The following CEP164 variants were observed in gnomAD, a reference collection of about 807,000 sequenced individuals.
CEP164 encodes the protein centrosomal protein of 164 kDa.
Under a neutral mutation model 182.7 loss-of-function variants are expected in CEP164, and 162 were observed. The observed-to-expected ratio is 0.89, with a 90% CI of 0.78 to 1.01. CEP164 has a LOEUF of 1.01. Ranked by LOEUF, CEP164 falls within the 50% of genes least tolerant of loss-of-function variation. CEP164 has a pLI of 0.00. For missense variants in CEP164, 1,735 were observed against 1,790.4 expected (o/e 0.97, Z 0.56); for synonymous variants, 661 against 690.0 (o/e 0.96, Z 0.66).
Position 117,411,891 on chromosome 11 carries a change from G to A in CEP164, c.4260G>A (p.Leu1420=), listed in dbSNP as rs769469166. The A allele has an allele frequency of 3.3e-5, 53 of 1,614,034 alleles. No individual in the cohort carries two copies. Among genetic ancestry groups the A allele is most frequent in the Non-Finnish European group, 4.1e-5 (48 of 1,180,032 alleles). Residue 1420 remains leucine, a synonymous_variant, in exon 32 of 33, where the codon CTG becomes CTA. Transcript: ENST00000278935. The surrounding 1 kb of genome is among the most constrained non-coding windows in gnomAD (Gnocchi z 4.4). Reference sequence around the variant, plus strand: ...TAATTGAGGCCAACCGGAGGTGGCTGGAACGTGTCAAGAATGACCCCAGGT... The same window carrying A: ...TAATTGAGGCCAACCGGAGGTGGCTAGAACGTGTCAAGAATGACCCCAGGT... ...QGIIEANRRW[L]ERVKNDPRLP... is the part of the protein sequence containing the mutation.
chr11:117,412,364 A>C lies in CEP164; in HGVS notation c.*196A>C. The C allele has an allele frequency of 7.8e-6, 4 of 514,862 alleles. No individual in the cohort carries two copies. Among genetic ancestry groups the C allele is most frequent in the East Asian group, 3.3e-5 (1 of 30,034 alleles). The allele number at this position is 514,862 out of a possible 1,614,324, so 31.9% of individuals were successfully genotyped here. A position where few individuals can be genotyped will look rare whatever the true frequency, so the allele number is the denominator to read the frequency against. The stretch of plus-strand genomic sequence containing the variant: ...ACTATATAACCTATCTCAGGCTAAA[A>C]TGTGTGGACTCGTACGAGCTCTTGT... On this transcript the variant is annotated 3_prime_UTR_variant, in exon 33 of 33. Coordinates refer to ENST00000278935, the MANE Select transcript of CEP164 (RefSeq NM_014956.5).
chr11:117,340,884 A>G (rs1439071502), intron 3 of CEP164, among the ~76,000 whole-genome samples: 1 of 152,074 alleles, frequency 6.6e-6, no homozygotes, highest in Non-Finnish European at 1.5e-5. Context: ...CCCAGGCTGG[A>G]CTGCAATGGC....
At chr11:117,386,237 A>T (rs1204303057) in intron 14 of CEP164, 1 of 152,294 alleles carries the variant, frequency 6.6e-6, no homozygotes. Context: ...ACGTGGAGAC[A>T]CATTCTGGCC....
chr11:117,330,256 T>G (rs1195295904), intron 1 of CEP164, among the ~76,000 whole-genome samples: 1 of 152,214 alleles, frequency 6.6e-6, no homozygotes, highest in Admixed American at 6.5e-5. Flanking sequence ...GTCATGTGTT[T>G]ACGTGTTTGG....
chr11:117,411,754 C>A lies in CEP164; in HGVS notation c.4164-41C>A. 1 of 1,612,502 alleles carries A rather than the reference C, an allele frequency of 6.2e-7. No homozygotes were observed. The highest frequency in any genetic ancestry group is 8.5e-7 in the Non-Finnish European group (1 of 1,179,208). ...CTGTGCATCCTCTGTCACTTCCGCG[C>A]CTCCTCTCTCCCCTCGCCATGCTCT... is the stretch of plus-strand genomic sequence containing the variant. On this transcript the variant is annotated intron_variant, in intron 31 of 32. Coordinates refer to ENST00000278935, the MANE Select transcript of CEP164 (RefSeq NM_014956.5). The surrounding 1 kb of genome is among the most constrained non-coding windows in gnomAD (Gnocchi z 4.4).
At chr11:117,341,840 G>C (rs1464241057) in intron 3 of CEP164, among the ~76,000 whole-genome samples, 3 of 152,132 alleles carry the variant, frequency 2.0e-5, no homozygotes, top group African/African-American at 7.2e-5. Context: ...CCAGTGCTCT[G>C]CATGGCTGCC....
At chr11:117,338,720 CAG>C in intron 3 of CEP164, 52 bp downstream of exon 3, 1 of 1,348,966 alleles carries the variant, frequency 7.4e-7, no homozygotes, top group East Asian at 2.3e-5. Context: ...TTTTTGAGGA[CAG>C]GGATTGTCTG....
rs2045111256 is a variant in CEP164 at position 117,394,235 on chromosome 11, A to C, written c.2617-115A>C. The stretch of plus-strand genomic sequence containing the variant: ...TCTTCTCCAAGAGCTGGCTTTAGGG[A>C]GCCGATGGTGTCCCTGATCTTACTG... On this transcript the variant is annotated intron_variant, in intron 20 of 32. Transcript: ENST00000278935. This position sits in a 1 kb window ranked among gnomAD's most constrained non-coding sequence, Gnocchi z 4.0. 1.5e-6 allele frequency: 2 copies of C among 1,372,782 alleles called. No individual in the cohort carries two copies. Among genetic ancestry groups the C allele is most frequent in the Admixed American group, 4.5e-5 (2 of 44,424 alleles). The allele number at this position is 1,372,782 out of a possible 1,614,324, so 85.0% of individuals were successfully genotyped here.
intron 2 of CEP164, among the ~76,000 whole-genome samples, chr11:117,338,287 G>A (rs996421646): frequency 1.3e-5 from 2 of 152,162 alleles, no homozygotes; most frequent in African/African-American, 2.4e-5. Context: ...CTATCTGGGG[G>A]AGGCACAAAG....
intron 5 of CEP164, chr11:117,355,187 GA>G: frequency 7.8e-7 from 1 of 1,289,854 alleles, no homozygotes; most frequent in Admixed American, 2.3e-5. Context: ...TGCTGACATG[GA>G]GAAAATCTTA....
rs1259930020 is a variant in CEP164, at chr11:117,411,873, G to A, written c.4242G>A (p.Glu1414=). ...AGSTTFQGII[E]ANRRWLERVK... Reference sequence around the variant, plus strand: ...GCACCACCTTTCAGGGCATAATTGAGGCCAACCGGAGGTGGCTGGAACGTG... The same window carrying A: ...GCACCACCTTTCAGGGCATAATTGAAGCCAACCGGAGGTGGCTGGAACGTG... Residue 1414 remains glutamate, a synonymous_variant, in exon 32 of 33, where the codon GAG becomes GAA. Coordinates refer to ENST00000278935, the MANE Select transcript of CEP164 (RefSeq NM_014956.5). This position sits in a 1 kb window ranked among gnomAD's most constrained non-coding sequence, Gnocchi z 4.4. 1 of 1,614,112 alleles carries A rather than the reference G, an allele frequency of 6.2e-7. No homozygotes were observed. The highest frequency in any genetic ancestry group is 8.5e-7 in the Non-Finnish European group (1 of 1,180,022).
chr11:117,338,746 C>A (rs1207203718), intron 3 of CEP164, 78 bp downstream of exon 3: 4 of 1,136,122 alleles, frequency 3.5e-6, no homozygotes, highest in Non-Finnish European at 5.4e-6. Context: ...TATTTTTATT[C>A]TTTCAGTGCA....
At chr11:117,367,899 C>G (rs1408602815) in intron 8 of CEP164, among the ~76,000 whole-genome samples, 1 of 152,164 alleles carries the variant, frequency 6.6e-6, no homozygotes, top group Non-Finnish European at 1.5e-5. Flanking sequence ...CTAACATTTG[C>G]TTAGCTATTT....
chr11:117,366,834 C>G (rs2041687772), intron 8 of CEP164, among the ~76,000 whole-genome samples: 1 of 151,980 alleles, frequency 6.6e-6, no homozygotes, highest in South Asian at 2.1e-4. Context: ...GGGTCCTTGT[C>G]TTTGTGCTCT....
chr11:117,353,810 A>AT (rs965759522), intron 5 of CEP164, among the ~76,000 whole-genome samples: 6 of 151,934 alleles, frequency 3.9e-5, no homozygotes, highest in African/African-American at 1.5e-4. Flanking sequence ...GGAGTGGTTG[A>AT]TTTTTTAGAA....
chr11:117,345,314 T>C (rs1350754973), intron 4 of CEP164, among the ~76,000 whole-genome samples: 3 of 152,142 alleles, frequency 2.0e-5, no homozygotes, highest in African/African-American at 4.8e-5. Flanking sequence ...AGGACTGCAG[T>C]GCTCCCTGCT....
chr11:117,371,664 G>C (rs2042203971), intron 9 of CEP164, among the ~76,000 whole-genome samples, 198 bp downstream of exon 9: 1 of 152,176 alleles, frequency 6.6e-6, no homozygotes, highest in Non-Finnish European at 1.5e-5. Flanking sequence ...GTAAAATCCG[G>C]AATGAAGCTG....
chr11:117,394,761 G>A lies in CEP164; in HGVS notation c.2761-159G>A, dbSNP rs2045209295. Among the ~76,000 whole-genome samples the A allele has an allele frequency of 6.6e-6, 1 of 152,210 alleles. No homozygotes were observed. Among genetic ancestry groups the A allele is most frequent in the Admixed American group, 6.5e-5 (1 of 15,286 alleles). ...CTTGCCCCAGCAGGAAGTAAACAAG[G>A]TGTGGAGCCTTCCTGGGAGGCTGCA... On this transcript the variant is annotated intron_variant, in intron 21 of 32. Coordinates refer to ENST00000278935, the MANE Select transcript of CEP164 (RefSeq NM_014956.5). This position sits in a 1 kb window ranked among gnomAD's most constrained non-coding sequence, Gnocchi z 4.0.
At chr11:117,367,279 C>T (rs2041747198) in intron 8 of CEP164, among the ~76,000 whole-genome samples, 1 of 152,216 alleles carries the variant, frequency 6.6e-6, no homozygotes, top group South Asian at 2.1e-4. Flanking sequence ...TGCTTCACCT[C>T]CTTCTGCTTT....
Sources: gnomAD v4.1 joint callset for allele counts (sites outside exome capture counted in the v4.1 genomes callset) on GRCh38, gnomAD v4.1.1 for gene constraint, Gnocchi (gnomAD v3.1) non-coding constraint, MANE v1.5 for transcripts, NCBI Gene and HGNC (gene_info 2026-07-23, HGNC 2026-07-21) for gene names.